CAMSAP2: variants seen among roughly 807,000 people sequenced by gnomAD.
CAMSAP2 encodes the protein calmodulin regulated spectrin associated protein family member 2, also known as calmodulin-regulated spectrin-associated protein 2.
A neutral mutation model predicts 146.1 loss-of-function variants in CAMSAP2; 26 were observed. The ratio of observed to expected loss-of-function variants is 0.18; its 90% confidence interval spans 0.13 to 0.25. The LOEUF (loss-of-function observed/expected upper bound fraction) is 0.25. CAMSAP2 is among the 10% of genes least tolerant of loss of function. CAMSAP2 has a pLI of 1.00. For synonymous variants in CAMSAP2, 499 were observed against 596.6 expected (o/e 0.84, Z 2.38); for missense variants, 1,381 against 1,759.3 (o/e 0.78, Z 3.85).
intron 2 of CAMSAP2, among the ~76,000 whole-genome samples, chr1:200,794,622 C>G (rs1202883874): frequency 6.6e-6 from 1 of 152,142 alleles, no homozygotes; most frequent in Non-Finnish European, 1.5e-5. Context: ...GCCCCAGGGC[C>G]CCTTCCCAGA....
Position 200,848,444 on chromosome 1 carries a change from C to A in CAMSAP2, c.1675C>A (p.Pro559Thr). The A allele has an allele frequency of 2.5e-6, 4 of 1,613,534 alleles. No homozygotes were observed. The highest frequency in any genetic ancestry group is 3.4e-6 in the Non-Finnish European group (4 of 1,179,768). Residue 559 changes from proline to threonine, a missense_variant, in exon 11 of 17, where the codon CCT becomes ACT. Physicochemically the swap from Pro to Thr is conservative, Grantham distance 38 (BLOSUM62 -1). Transcript: ENST00000358823. ...TGATACTGAAAAATCTCCTCATACA[C>A]CTCAGCCAGACCAAATTGCTAATGG... Reference protein sequence around the residue: ...IHDTEKSPHTPQPDQIANGFF... With the variant: ...IHDTEKSPHTTQPDQIANGFF...
chr1:200,852,769 C>A, intron 12 of CAMSAP2, 92 bp downstream of exon 12: 1 of 1,309,158 alleles, frequency 7.6e-7, no homozygotes, highest in Non-Finnish European at 1.0e-6. Flanking sequence ...AAGAGGTGGT[C>A]TCTCATTAAT....
chr1:200,762,565 A>C (rs1243078977), intron 2 of CAMSAP2, among the ~76,000 whole-genome samples: 1 of 152,236 alleles, frequency 6.6e-6, no homozygotes, highest in African/African-American at 2.4e-5. Context: ...TTGAAGGCTA[A>C]GTGGATAGTT....
intron 4 of CAMSAP2, among the ~76,000 whole-genome samples, chr1:200,820,213 G>T (rs993601246): frequency 6.6e-6 from 1 of 151,806 alleles, no homozygotes; most frequent in Non-Finnish European, 1.5e-5. Context: ...GGTGTGCACC[G>T]CCATGCCCAC....
chr1:200,752,374 A>G (rs1363339977), intron 1 of CAMSAP2, among the ~76,000 whole-genome samples: 1 of 152,136 alleles, frequency 6.6e-6, no homozygotes. Context: ...ATTTTAATAT[A>G]TATAGATGGT....
intron 2 of CAMSAP2, among the ~76,000 whole-genome samples, chr1:200,771,225 T>C (rs1487297817): frequency 6.6e-6 from 1 of 152,178 alleles, no homozygotes; most frequent in Non-Finnish European, 1.5e-5. Context: ...ATAAGAGATA[T>C]ATCTTGTTTA....
intron 2 of CAMSAP2, among the ~76,000 whole-genome samples, chr1:200,790,076 C>T (rs1370181740): frequency 6.6e-6 from 1 of 152,122 alleles, no homozygotes; most frequent in East Asian, 1.9e-4. Context: ...AATTAGGTCT[C>T]AGGCTTTTAG....
chr1:200,843,222 C>T (rs544779963), intron 7 of CAMSAP2, among the ~76,000 whole-genome samples: 9 of 152,136 alleles, frequency 5.9e-5, no homozygotes, highest in Non-Finnish European at 1.0e-4. Context: ...TGCACCTCCC[C>T]GCTAAACCCC....
At chr1:200,765,027 C>T (rs1664906482) in intron 2 of CAMSAP2, among the ~76,000 whole-genome samples, 1 of 151,996 alleles carries the variant, frequency 6.6e-6, no homozygotes, top group South Asian at 2.1e-4. Context: ...TCACTTGAAA[C>T]CGGGAGAAGG....
intron 4 of CAMSAP2, among the ~76,000 whole-genome samples, chr1:200,821,684 T>C (rs1439111012): frequency 6.6e-6 from 1 of 152,202 alleles, no homozygotes; most frequent in Non-Finnish European, 1.5e-5. Flanking sequence ...ATCCCTAATA[T>C]CAACATACCT....
chr1:200,751,998 A>G (rs973990175), intron 1 of CAMSAP2, among the ~76,000 whole-genome samples: 2 of 152,230 alleles, frequency 1.3e-5, no homozygotes, highest in African/African-American at 4.8e-5. Context: ...AACATGGGCC[A>G]CATTAACTTG....
chr1:200,755,189 A>G (rs1187490459), intron 1 of CAMSAP2, among the ~76,000 whole-genome samples: 1 of 152,240 alleles, frequency 6.6e-6, no homozygotes, highest in Non-Finnish European at 1.5e-5. Flanking sequence ...AAGGTATTAG[A>G]AACCAAGATA....
At chr1:200,842,392 A>G (rs1667346998) in intron 7 of CAMSAP2, among the ~76,000 whole-genome samples, 1 of 152,126 alleles carries the variant, frequency 6.6e-6, no homozygotes, top group Non-Finnish European at 1.5e-5. Flanking sequence ...TTAGTTTTTA[A>G]CATTGTGTTA....
At chr1:200,817,191 T>TACACATATAA (rs71135399) in intron 4 of CAMSAP2, among the ~76,000 whole-genome samples, 1 of 133,530 alleles carries the variant, frequency 7.5e-6, no homozygotes, top group African/African-American at 2.7e-5. Context: ...CACACACACA[T>TACACATATAA]GTGTGTGTGT....
intron 2 of CAMSAP2, among the ~76,000 whole-genome samples, chr1:200,770,548 G>A (rs1665087747): frequency 6.6e-6 from 1 of 151,678 alleles, no homozygotes; most frequent in Admixed American, 6.6e-5. Flanking sequence ...TGAATAGCTG[G>A]GACTACAGGT....
At chr1:200,759,216 C>T (rs1188411662) in intron 1 of CAMSAP2, among the ~76,000 whole-genome samples, 1 of 151,940 alleles carries the variant, frequency 6.6e-6, no homozygotes, top group Non-Finnish European at 1.5e-5. Flanking sequence ...TCTCTCCTCC[C>T]TCTCCTTACG....
At chr1:200,852,091 T>C (rs1159207778) in intron 11 of CAMSAP2, among the ~76,000 whole-genome samples, 1 of 152,216 alleles carries the variant, frequency 6.6e-6, no homozygotes, top group African/African-American at 2.4e-5. Flanking sequence ...CTTAAAATCA[T>C]GCAGCAATAG....
At chr1:200,838,398 G>A (rs1667235431) in intron 6 of CAMSAP2, among the ~76,000 whole-genome samples, 1 of 152,114 alleles carries the variant, frequency 6.6e-6, no homozygotes, top group African/African-American at 2.4e-5. Context: ...GTATAAAGAA[G>A]AAATATAAAT....
chr1:200,825,651 C>T (rs1245156185), intron 4 of CAMSAP2, among the ~76,000 whole-genome samples: 5 of 152,092 alleles, frequency 3.3e-5, no homozygotes, highest in Non-Finnish European at 4.4e-5. Flanking sequence ...GTACTACAGG[C>T]GAGCGCCACC....
Sources: allele counts gnomAD v4.1 joint callset (sites outside exome capture counted in the v4.1 genomes callset), GRCh38; gene constraint gnomAD v4.1.1; transcripts MANE v1.5; gene names NCBI Gene and HGNC (gene_info 2026-07-23, HGNC 2026-07-21).